SDK1: variants seen among roughly 807,000 people sequenced by gnomAD.
SDK1 encodes the protein protein sidekick-1.
In SDK1, 157 loss-of-function variants were observed where a neutral mutation model predicts 245.5. The ratio of observed to expected loss-of-function variants is 0.64; its 90% CI spans 0.56 to 0.73. The LOEUF is 0.73. Among genes scored for constraint, SDK1 ranks in the 30% least tolerant of loss-of-function variants. The pLI, the probability that SDK1 is intolerant of heterozygous loss-of-function variation, is 0.00. For missense variants in SDK1, 3,583 were observed against 3,002.3 expected (o/e 1.19, Z -4.52); for synonymous variants, 1,647 against 1,278.5 (o/e 1.29, Z -6.15).
chr7:3,458,995 T>C (rs1425171245), intron 1 of SDK1, among the ~76,000 whole-genome samples: 1 of 152,188 alleles, frequency 6.6e-6, no homozygotes. Context: ...CCATGTAAAC[T>C]TGTAGAATCA....
intron 1 of SDK1, among the ~76,000 whole-genome samples, chr7:3,543,496 C>G (rs145757073): frequency 2.0e-5 from 3 of 152,190 alleles, no homozygotes; most frequent in African/African-American, 7.2e-5. Flanking sequence ...ATGGTCTGCT[C>G]GTGGCTGGTA....
chr7:3,988,160 C>G (rs1232590533), intron 14 of SDK1, among the ~76,000 whole-genome samples: 5 of 127,756 alleles, frequency 3.9e-5, no homozygotes, highest in African/African-American at 1.5e-4. Flanking sequence ...TTTTTTTTAC[C>G]TCACTCCTGC....
intron 5 of SDK1, among the ~76,000 whole-genome samples, chr7:3,852,750 C>CA (rs35116493): frequency 0.14 from 3,762 of 27,228 alleles, 555 homozygotes; most frequent in African/African-American, 0.33. Context: ...GACTCCGTCT[C>CA]AAAAAAAAAA....
At chr7:3,865,046 G>C (rs1371512077) in intron 5 of SDK1, among the ~76,000 whole-genome samples, 1 of 152,194 alleles carries the variant, frequency 6.6e-6, no homozygotes, top group African/African-American at 2.4e-5. Context: ...CTACCACTCA[G>C]ACGTCTTGGC....
intron 1 of SDK1, among the ~76,000 whole-genome samples, chr7:3,546,527 A>T (rs779065813): frequency 9.9e-5 from 15 of 152,266 alleles, no homozygotes; most frequent in Non-Finnish European, 1.5e-4. Flanking sequence ...ACAGCTCTGT[A>T]CCAGGTAGTG....
chr7:4,063,703 A>G (rs921124115), intron 19 of SDK1, among the ~76,000 whole-genome samples: 1 of 152,116 alleles, frequency 6.6e-6, no homozygotes, highest in South Asian at 2.1e-4. Context: ...GAATCACACT[A>G]CCTATCTTTG....
At chr7:3,980,799 G>C (rs376174773) in intron 13 of SDK1, among the ~76,000 whole-genome samples, 1 of 152,058 alleles carries the variant, frequency 6.6e-6, no homozygotes, top group African/African-American at 2.4e-5. Context: ...AAAATTAGCC[G>C]GGCGTGGTGT....
rs528045571 is a variant in SDK1 at position 4,104,898 on chromosome 7, G to A, written c.3325-5765G>A. Among the ~76,000 whole-genome samples the A allele has an allele frequency of 2.5e-4, 38 of 151,768 alleles. No homozygotes were observed. The South Asian group carries it at 4.0e-3, about 16-fold the overall frequency. On this transcript the variant is annotated intron_variant, in intron 22 of 44. Transcript: ENST00000404826. ...TTTTTTAATTATTTTGTAGAGATGG[G>A]GTCTCCCTCTGTTGCCCAGGCTGAT... is the stretch of plus-strand genomic sequence containing the variant.
chr7:4,049,565 C>T, intron 18 of SDK1, 102 bp downstream of exon 18: 1 of 844,804 alleles, frequency 1.2e-6, no homozygotes, highest in Non-Finnish European at 2.0e-6. Flanking sequence ...GAGCTGGTTG[C>T]ATTAAGATAC....
chr7:3,869,720 C>T (rs1486013295), intron 5 of SDK1, among the ~76,000 whole-genome samples: 1 of 152,196 alleles, frequency 6.6e-6, no homozygotes, highest in Non-Finnish European at 1.5e-5. Context: ...TCTCACCTGA[C>T]ATTGAGAGAC....
intron 22 of SDK1, among the ~76,000 whole-genome samples, chr7:4,083,283 C>T (rs990842307): frequency 1.3e-5 from 2 of 152,024 alleles, no homozygotes; most frequent in Admixed American, 6.5e-5. Context: ...TCCCCGTCCC[C>T]ACAACCACTC....
intron 5 of SDK1, among the ~76,000 whole-genome samples, chr7:3,942,158 A>G (rs1780394222): frequency 6.6e-6 from 1 of 152,092 alleles, no homozygotes; most frequent in African/African-American, 2.4e-5. Context: ...CGCCCACCCA[A>G]GCCTCCCAAA....
intron 37 of SDK1, among the ~76,000 whole-genome samples, chr7:4,209,251 G>A (rs1784392205): frequency 6.6e-6 from 1 of 152,228 alleles, no homozygotes; most frequent in African/African-American, 2.4e-5. Context: ...GCAGGTCACA[G>A]CTGTGGGTCC....
Position 3,974,819 on chromosome 7 carries a change from C to A in SDK1, c.1994+274C>A, listed in dbSNP as rs1488187118. The A allele has an allele frequency of 1.4e-5, 5 of 364,626 alleles. No individual in the cohort carries two copies. In the East Asian group the frequency reaches 2.8e-4, roughly 20 times the overall value. 22.6% of individuals were successfully genotyped at this position (364,626 alleles called of 1,614,324 possible). Reference sequence around the variant, plus strand: ...CTTTTTGTCATATTTTTCCCGTGGACACCTTATCCTGATAGGCCCTGTTTA... The same window carrying A: ...CTTTTTGTCATATTTTTCCCGTGGAAACCTTATCCTGATAGGCCCTGTTTA... On this transcript the variant is annotated intron_variant, in intron 13 of 44. Coordinates refer to ENST00000404826, the MANE Select transcript of SDK1 (RefSeq NM_152744.4).
Position 3,507,969 on chromosome 7 carries a change from C to G in SDK1, c.299-111111C>G, listed in dbSNP as rs191270376. Among the ~76,000 whole-genome samples the G allele has an allele frequency of 6.6e-5, 10 of 152,284 alleles. No homozygotes were observed. In the East Asian group the frequency reaches 1.7e-3, roughly 26 times the overall value. ...ACTTGATTCCTGGTGGCATTTGACA[C>G]TGCTGACTGTCCTGGAATCCTCTTT... On this transcript the variant is annotated intron_variant, in intron 1 of 44. Coordinates refer to ENST00000404826, the MANE Select transcript of SDK1 (RefSeq NM_152744.4).
At chr7:3,942,674 T>C (rs1780411681) in intron 5 of SDK1, among the ~76,000 whole-genome samples, 1 of 152,222 alleles carries the variant, frequency 6.6e-6, no homozygotes, top group Non-Finnish European at 1.5e-5. Context: ...CAGATGGTCC[T>C]GTAGACCCCC....
intron 19 of SDK1, among the ~76,000 whole-genome samples, chr7:4,056,691 C>T (rs574256660): frequency 1.1e-4 from 17 of 152,196 alleles, no homozygotes; most frequent in Non-Finnish European, 2.2e-4. Context: ...ACAGGGAGAC[C>T]GTGTGATGTC....
At chr7:3,717,916 G>A (rs1785248489) in intron 4 of SDK1, among the ~76,000 whole-genome samples, 2 of 151,604 alleles carry the variant, frequency 1.3e-5, no homozygotes, top group Admixed American at 1.3e-4. Context: ...CATGTTGTGA[G>A]GCCAGTATTA....
At chr7:3,542,732 G>A (rs1016656556) in intron 1 of SDK1, among the ~76,000 whole-genome samples, 2 of 152,226 alleles carry the variant, frequency 1.3e-5, no homozygotes, top group Non-Finnish European at 2.9e-5. Context: ...CTGTGTGTTA[G>A]GTTTGGTTTT....
Sources: gnomAD v4.1 joint callset for allele counts (sites outside exome capture counted in the v4.1 genomes callset) on GRCh38, gnomAD v4.1.1 for gene constraint, MANE v1.5 for transcripts, NCBI Gene and HGNC (gene_info 2026-07-23, HGNC 2026-07-21) for gene names.